Variants in PTN observed in about 807,000 individuals in gnomAD.
The protein encoded by PTN is heparin affin regulatory protein.
In PTN, 18 loss-of-function variants were observed where a neutral mutation model predicts 24.1. The observed-to-expected ratio is 0.75, with a 90% CI of 0.52 to 1.11. The LOEUF is 1.11. PTN is among the 50% of genes least tolerant of loss of function. The pLI is 0.00. For missense variants in PTN, 163 were observed against 198.8 expected (o/e 0.82, Z 1.08); for synonymous variants, 78 against 68.6 (o/e 1.14, Z -0.67).
At chr7:137,311,706 C>T (rs1809985384) in intron 1 of PTN, among the ~76,000 whole-genome samples, 1 of 152,154 alleles carries the variant, frequency 6.6e-6, no homozygotes, top group Admixed American at 6.5e-5. Flanking sequence ...AGTCAGAACA[C>T]ACACAACATT....
At chr7:137,313,810 C>T (rs1459942940) in intron 1 of PTN, among the ~76,000 whole-genome samples, 3 of 152,062 alleles carry the variant, frequency 2.0e-5, no homozygotes, top group Non-Finnish European at 4.4e-5. Context: ...TCTGTTGTAC[C>T]GATAAGCTTC....
chr7:137,243,592 G>A (rs1268687852), intron 4 of PTN, among the ~76,000 whole-genome samples: 1 of 152,278 alleles, frequency 6.6e-6, no homozygotes, highest in East Asian at 1.9e-4. Context: ...GTAGAATCTA[G>A]AAAGTTAAAT....
intron 4 of PTN, among the ~76,000 whole-genome samples, chr7:137,247,012 G>A (rs1808734676): frequency 6.6e-6 from 1 of 152,160 alleles, no homozygotes; most frequent in African/African-American, 2.4e-5. Flanking sequence ...CTACCCCAGT[G>A]TCCAATTCAA....
Position 137,240,318 on chromosome 7 carries a change from A to T in PTN, c.451+10912T>A, listed in dbSNP as rs1364557960. Among the ~76,000 whole-genome samples the T allele has an allele frequency of 2.6e-5, 4 of 152,282 alleles. No homozygotes were observed. The East Asian group carries it at 5.8e-4, about 22-fold the overall frequency. ...CTGTGTGCTCCATTGCAGGCTCTTA[A>T]TAGATTTTATAAAAACATGAATACA... On this transcript the variant is annotated intron_variant, in intron 4 of 4. Transcript: ENST00000348225.
chr7:137,254,886 C>T lies in PTN; in HGVS notation c.88G>A (p.Ala30Thr). Residue 30 changes from alanine to threonine, a missense_variant, in exon 2 of 5, where the codon GCT becomes ACT. By Grantham distance (58) the Ala-to-Thr change is moderately conservative. Transcript: ENST00000348225. ...FIFILAAVDT[A>T]EAGKKEKPEK... ...GGTTTCTCTTTCTTCCCTGCTTCAG[C>T]AGTATCCACAGCTGCCAGTATGAAA... 6.3e-7 allele frequency: 1 copy of T among 1,576,022 alleles called. No individual in the cohort carries two copies.
rs1808657288 is a variant in PTN, at chr7:137,242,961, T to C, written c.451+8269A>G. Among the ~76,000 whole-genome samples the C allele has an allele frequency of 2.6e-5, 4 of 152,214 alleles. No homozygotes were observed. In the South Asian group the frequency reaches 8.3e-4, roughly 32 times the overall value. ...GCTTGGAGAAGAGTTATTTGACCTCTGAAGAGTTCTCTGTCGCCAGGCTAG... is the reference window on the plus strand; with the variant it reads ...GCTTGGAGAAGAGTTATTTGACCTCCGAAGAGTTCTCTGTCGCCAGGCTAG... On this transcript the variant is annotated intron_variant, in intron 4 of 4. Transcript: ENST00000348225.
At position 137,280,069 on chromosome 7, in the gene PTN, G is replaced by A. The variant is rs181920802; in HGVS notation, c.-1-25095C>T. Among the ~76,000 whole-genome samples the A allele has an allele frequency of 1.1e-3, 163 of 152,148 alleles. 2 individuals carry two copies. Among genetic ancestry groups the A allele is most frequent in the Middle Eastern group, 6.8e-3 (2 of 294 alleles). ...ATAAATTGTCAACATACAGAATATG[G>A]GTTCATAAACGGCTCCCTAAGTAAT... On this transcript the variant is annotated intron_variant, in intron 1 of 4. Transcript: ENST00000348225.
chr7:137,288,649 C>T (rs1010196937), intron 1 of PTN, among the ~76,000 whole-genome samples: 32 of 152,232 alleles, frequency 2.1e-4, no homozygotes, highest in African/African-American at 7.5e-4. Flanking sequence ...AAAAAAATTG[C>T]TTCTCAGCCT....
intron 4 of PTN, among the ~76,000 whole-genome samples, chr7:137,244,377 T>TC (rs556579300): frequency 1.8e-5 from 2 of 114,218 alleles, no homozygotes; most frequent in Non-Finnish European, 3.8e-5. Context: ...CCTCAGAATT[T>TC]TTTTTTTTTT....
At chr7:137,278,644 T>C (rs895056509) in intron 1 of PTN, among the ~76,000 whole-genome samples, 104 of 151,802 alleles carry the variant, frequency 6.9e-4, no homozygotes, top group African/African-American at 2.3e-3. Flanking sequence ...ACTTTCAAAA[T>C]ACAAGGATTA....
At chr7:137,239,561 C>A (rs1283606997) in intron 4 of PTN, among the ~76,000 whole-genome samples, 1 of 151,958 alleles carries the variant, frequency 6.6e-6, no homozygotes, top group Non-Finnish European at 1.5e-5. Context: ...TCCTCCCACC[C>A]CACAACAGTC....
At chr7:137,295,575 G>GA (rs1225467109) in intron 1 of PTN, among the ~76,000 whole-genome samples, 1 of 151,810 alleles carries the variant, frequency 6.6e-6, no homozygotes, top group Admixed American at 6.6e-5. Context: ...AAAGCAGTAT[G>GA]AAAAAAATGA....
At chr7:137,246,775 G>A (rs1808730445) in intron 4 of PTN, among the ~76,000 whole-genome samples, 2 of 152,172 alleles carry the variant, frequency 1.3e-5, no homozygotes, top group African/African-American at 4.8e-5. Flanking sequence ...GACCAGCGTT[G>A]CATGGGTTTA....
At chr7:137,323,304 G>A (rs923755226) in intron 1 of PTN, among the ~76,000 whole-genome samples, 1 of 152,274 alleles carries the variant, frequency 6.6e-6, no homozygotes, top group Non-Finnish European at 1.5e-5. Flanking sequence ...TATGTATGTC[G>A]TGATTTGTAG....
intron 4 of PTN, among the ~76,000 whole-genome samples, chr7:137,233,239 C>T (rs1808460223): frequency 6.6e-6 from 1 of 151,934 alleles, no homozygotes; most frequent in African/African-American, 2.4e-5. Context: ...ATACTAAGAA[C>T]TAAGCCCTAA....
intron 1 of PTN, among the ~76,000 whole-genome samples, chr7:137,304,418 T>C (rs1051393080): frequency 4.0e-5 from 6 of 151,790 alleles, no homozygotes; most frequent in Admixed American, 2.6e-4. Flanking sequence ...GCAAAGTCTA[T>C]AGCTATTCAT....
intron 1 of PTN, among the ~76,000 whole-genome samples, chr7:137,313,674 T>A (rs1810020593): frequency 6.6e-6 from 1 of 152,212 alleles, no homozygotes; most frequent in African/African-American, 2.4e-5. Context: ...TATCAAAGGA[T>A]TAAATAAATT....
At chr7:137,252,751 G>A (rs1260668985) in intron 3 of PTN, among the ~76,000 whole-genome samples, 1 of 151,870 alleles carries the variant, frequency 6.6e-6, no homozygotes, top group Non-Finnish European at 1.5e-5. Flanking sequence ...AAAAAGTCTG[G>A]ATTGTGGAAG....
chr7:137,334,111 C>T (rs1302821858), intron 1 of PTN, among the ~76,000 whole-genome samples: 1 of 151,968 alleles, frequency 6.6e-6, no homozygotes. Flanking sequence ...TTAGGCAATA[C>T]CATTCAGGAC....
Sources: allele counts gnomAD v4.1 joint callset (sites outside exome capture counted in the v4.1 genomes callset), GRCh38; gene constraint gnomAD v4.1.1; transcripts MANE v1.5; gene names NCBI Gene and HGNC (gene_info 2026-07-23, HGNC 2026-07-21).